Variants in EXOC6B observed in about 807,000 individuals in gnomAD.
EXOC6B encodes exocyst complex component 6B, also known as SEC15 homolog B.
A neutral mutation model predicts 113.5 loss-of-function variants in EXOC6B; 54 were observed. The ratio of observed to expected loss-of-function variants is 0.48; its 90% CI spans 0.38 to 0.60. The LOEUF (loss-of-function observed/expected upper bound fraction) is 0.60. Ranked by LOEUF, EXOC6B falls within the 20% of genes least tolerant of loss-of-function variation. The pLI is 0.00. For missense variants in EXOC6B, 797 were observed against 977.5 expected, an observed-to-expected ratio of 0.82 and a Z score of 2.46; for synonymous variants, 357 against 339.0, an observed-to-expected ratio of 1.05 and a Z score of -0.58.
At chr2:72,245,715 T>G (rs1213333456) in intron 20 of EXOC6B, among the ~76,000 whole-genome samples, 1 of 152,144 alleles carries the variant, frequency 6.6e-6, no homozygotes, top group Non-Finnish European at 1.5e-5. Flanking sequence ...TATATAATGG[T>G]GGATACATGT....
At chr2:72,805,867 G>T (rs1233894199) in intron 1 of EXOC6B, among the ~76,000 whole-genome samples, 1 of 152,028 alleles carries the variant, frequency 6.6e-6, no homozygotes, top group African/African-American at 2.4e-5. Context: ...CCACATATAA[G>T]TGAGATCATG....
Position 72,575,588 on chromosome 2 carries a change from T to G in EXOC6B, c.750A>C (p.Ala250=). 6.2e-7 allele frequency: 1 copy of G among 1,610,984 alleles called. No homozygotes were observed. Among genetic ancestry groups the G allele is most frequent in the Non-Finnish European group, 8.5e-7 (1 of 1,178,630 alleles). ...IGSKRKSKKD[A]YIIFDTEIES... ...CTATCTCTGTATCAAAGATTATATA[T>G]GCATCTTTCTTAGATTTCCTCTTGC... The change falls in exon 7 of 22, where the codon GCA becomes GCC. Residue 250 remains alanine (A), a synonymous_variant. Transcript: ENST00000272427.
chr2:72,416,916 G>C (rs1192513063), intron 18 of EXOC6B, among the ~76,000 whole-genome samples: 1 of 151,954 alleles, frequency 6.6e-6, no homozygotes, highest in Non-Finnish European at 1.5e-5. Flanking sequence ...TGGTGTTTTG[G>C]TAACAATACC....
intron 20 of EXOC6B, among the ~76,000 whole-genome samples, chr2:72,193,949 TTATC>T (rs1316343957): frequency 5.3e-5 from 8 of 152,244 alleles, no homozygotes; most frequent in African/African-American, 1.9e-4. Context: ...ATTTACATAA[TTATC>T]TATGCTGCTT....
intron 1 of EXOC6B, among the ~76,000 whole-genome samples, chr2:72,747,592 T>G (rs1186790929): frequency 6.6e-6 from 1 of 152,074 alleles, no homozygotes; most frequent in Non-Finnish European, 1.5e-5. Flanking sequence ...TCCCTTGATA[T>G]TCTGCTACTT....
chr2:72,304,673 C>T (rs1686725166), intron 20 of EXOC6B, among the ~76,000 whole-genome samples: 1 of 152,138 alleles, frequency 6.6e-6, no homozygotes, highest in East Asian at 1.9e-4. Context: ...CAAAGATCAA[C>T]CTCTAGTAAA....
At chr2:72,502,791 A>G (rs1700394589) in intron 11 of EXOC6B, among the ~76,000 whole-genome samples, 1 of 151,688 alleles carries the variant, frequency 6.6e-6, no homozygotes, top group Admixed American at 6.6e-5. Flanking sequence ...TTCTTTCGTC[A>G]CTGTCTTTCC....
intron 20 of EXOC6B, among the ~76,000 whole-genome samples, chr2:72,323,228 A>G: frequency 6.6e-6 from 1 of 152,228 alleles, no homozygotes; most frequent in East Asian, 1.9e-4. Context: ...CAAACATATG[A>G]AAAAATGCTC....
intron 6 of EXOC6B, among the ~76,000 whole-genome samples, chr2:72,701,098 T>A (rs905289737): frequency 1.3e-5 from 2 of 151,798 alleles, no homozygotes; most frequent in Non-Finnish European, 2.9e-5. Context: ...AATCCCAACA[T>A]TTTGGGAGGC....
intron 7 of EXOC6B, among the ~76,000 whole-genome samples, chr2:72,572,473 C>A (rs1280610383): frequency 6.6e-6 from 1 of 152,156 alleles, no homozygotes; most frequent in Non-Finnish European, 1.5e-5. Flanking sequence ...CATTTTGTGA[C>A]AGAATATATG....
chr2:72,234,064 G>T (rs1681803958), intron 20 of EXOC6B, among the ~76,000 whole-genome samples: 1 of 149,980 alleles, frequency 6.7e-6, no homozygotes, highest in Non-Finnish European at 1.5e-5. Context: ...ATATGCAGAA[G>T]ATTGAAGCTG....
chr2:72,725,311 C>A (rs1244142711), intron 5 of EXOC6B, among the ~76,000 whole-genome samples: 1 of 152,150 alleles, frequency 6.6e-6, no homozygotes, highest in African/African-American at 2.4e-5. Flanking sequence ...ATTCTATATC[C>A]ATCAAGGATT....
At chr2:72,610,733 A>G (rs538992895) in intron 6 of EXOC6B, among the ~76,000 whole-genome samples, 9 of 152,258 alleles carry the variant, frequency 5.9e-5, no homozygotes, top group African/African-American at 2.2e-4. Flanking sequence ...TTACATAGAT[A>G]CCACAGCCAA....
intron 19 of EXOC6B, among the ~76,000 whole-genome samples, chr2:72,363,001 A>G (rs1363521302): frequency 6.6e-6 from 1 of 152,134 alleles, no homozygotes; most frequent in African/African-American, 2.4e-5. Context: ...TTCCTAGTGC[A>G]TGAGGGATAC....
chr2:72,420,154 A>T (rs1476317237), intron 18 of EXOC6B, among the ~76,000 whole-genome samples: 1 of 152,042 alleles, frequency 6.6e-6, no homozygotes, highest in African/African-American at 2.4e-5. Context: ...GTTTCTTTTT[A>T]AACCTCTTTA....
chr2:72,241,920 A>G (rs1682332689), intron 20 of EXOC6B, among the ~76,000 whole-genome samples: 1 of 152,110 alleles, frequency 6.6e-6, no homozygotes, highest in Non-Finnish European at 1.5e-5. Context: ...CTAAAGAAAG[A>G]GCCTGGCCAG....
At position 72,744,110 on chromosome 2, in the gene EXOC6B, C is replaced by A. The variant is rs571425433; in HGVS notation, c.114-2641G>T. Among the ~76,000 whole-genome samples the A allele has an allele frequency of 1.5e-3, 221 of 152,274 alleles. 1 individual carries two copies. The highest frequency in any genetic ancestry group is 5.0e-3 in the African/African-American group (208 of 41,546). ...TACAGCAACATACTGTACAGGTTTG[C>A]AGCCTAGTAGCAATAGGCTATACCA... On this transcript the variant is annotated intron_variant, in intron 1 of 21. Transcript: ENST00000272427.
chr2:72,510,748 T>C (rs1349631091), intron 11 of EXOC6B, among the ~76,000 whole-genome samples: 2 of 151,896 alleles, frequency 1.3e-5, no homozygotes, highest in South Asian at 2.1e-4. Flanking sequence ...TATAGAAACA[T>C]ATTTTTATAA....
intron 20 of EXOC6B, among the ~76,000 whole-genome samples, chr2:72,268,161 C>T (rs905493732): frequency 1.9e-4 from 29 of 151,980 alleles, no homozygotes; most frequent in Admixed American, 7.9e-4. Flanking sequence ...CCCAGGCTAG[C>T]GTGCAGTGGC....
Sources: allele counts gnomAD v4.1 joint callset (sites outside exome capture counted in the v4.1 genomes callset), GRCh38; gene constraint gnomAD v4.1.1; transcripts MANE v1.5; gene names NCBI Gene and HGNC (gene_info 2026-07-23, HGNC 2026-07-21).